LRRC4C: variants seen among roughly 807,000 people sequenced by gnomAD.
The protein encoded by LRRC4C is leucine rich repeat containing 4C.
LRRC4C carries 5 observed loss-of-function variants against 33.6 expected under a neutral mutation model. The observed-to-expected ratio is 0.15, with a 90% CI of 0.08 to 0.31. LRRC4C has a LOEUF of 0.31. LRRC4C is among the 10% of genes least tolerant of loss of function. LRRC4C has a pLI of 1.00. For synonymous variants in LRRC4C, 329 were observed against 302.0 expected, an observed-to-expected ratio of 1.09 and a Z score of -0.93; for missense variants, 560 against 796.7, an observed-to-expected ratio of 0.70 and a Z score of 3.58.
At chr11:40,199,380 G>T (rs1411213561) in intron 5 of LRRC4C, among the ~76,000 whole-genome samples, 5 of 152,142 alleles carry the variant, frequency 3.3e-5, no homozygotes, top group African/African-American at 9.7e-5. Context: ...CTGGCAAAGG[G>T]TTATTTTGTT....
chr11:41,021,569 A>T (rs1258230286), intron 1 of LRRC4C, among the ~76,000 whole-genome samples: 1 of 152,090 alleles, frequency 6.6e-6, no homozygotes, highest in African/African-American at 2.4e-5. Flanking sequence ...ATAACGTTCA[A>T]ATCTATTATA....
chr11:40,446,180 G>T (rs1951627734), intron 3 of LRRC4C: 1 of 152,126 alleles, frequency 6.6e-6, no homozygotes, highest in African/African-American at 2.4e-5. Context: ...AATATTGCCT[G>T]CATGTTAAAG....
At chr11:40,503,332 G>A (rs1440840297) in intron 3 of LRRC4C, among the ~76,000 whole-genome samples, 2 of 151,984 alleles carry the variant, frequency 1.3e-5, no homozygotes, top group African/African-American at 4.8e-5. Context: ...CCAATACCTG[G>A]AACCATGCCT....
chr11:40,367,655 G>A (rs1488765395), intron 3 of LRRC4C, among the ~76,000 whole-genome samples: 1 of 151,962 alleles, frequency 6.6e-6, no homozygotes, highest in Non-Finnish European at 1.5e-5. Context: ...TGCTTTTTTG[G>A]AGAACTTAGT....
intron 1 of LRRC4C, among the ~76,000 whole-genome samples, chr11:41,236,016 G>C (rs1948005997): frequency 6.6e-6 from 1 of 152,064 alleles, no homozygotes; most frequent in Non-Finnish European, 1.5e-5. Flanking sequence ...AGTGGCTATG[G>C]AATTAAGTTC....
intron 2 of LRRC4C, among the ~76,000 whole-genome samples, chr11:40,775,647 G>A (rs1235671296): frequency 1.3e-5 from 2 of 152,132 alleles, no homozygotes; most frequent in South Asian, 2.1e-4. Context: ...ACTTACTGAA[G>A]TTGTTTTTCA....
intron 1 of LRRC4C, among the ~76,000 whole-genome samples, chr11:41,019,761 C>T (rs1478208264): frequency 1.3e-5 from 2 of 152,116 alleles, no homozygotes; most frequent in Non-Finnish European, 2.9e-5. Flanking sequence ...TTGCATTTCT[C>T]TGATAATCAG....
chr11:40,649,307 C>T (rs1317453968), intron 2 of LRRC4C, among the ~76,000 whole-genome samples: 1 of 152,056 alleles, frequency 6.6e-6, no homozygotes, highest in Non-Finnish European at 1.5e-5. Flanking sequence ...CGTTTATAGA[C>T]CTCCCCCCAA....
At chr11:40,939,458 T>A (rs1465420223) in intron 1 of LRRC4C, among the ~76,000 whole-genome samples, 2 of 148,408 alleles carry the variant, frequency 1.3e-5, no homozygotes, top group African/African-American at 5.0e-5. Flanking sequence ...ATCAACTTAC[T>A]GTAAAGGATG....
intron 1 of LRRC4C, among the ~76,000 whole-genome samples, chr11:41,152,303 A>G (rs988405083): frequency 3.3e-5 from 5 of 152,226 alleles, no homozygotes; most frequent in Admixed American, 1.3e-4. Flanking sequence ...GAGTCATAGA[A>G]GTAGCAAATG....
intron 3 of LRRC4C, among the ~76,000 whole-genome samples, chr11:40,557,238 G>A (rs368015898): frequency 1.3e-5 from 2 of 152,012 alleles, no homozygotes; most frequent in South Asian, 4.2e-4. Context: ...GAAGAATAAT[G>A]CAAAAAAGTG....
chr11:40,257,107 G>A (rs1867268666), intron 4 of LRRC4C, among the ~76,000 whole-genome samples: 1 of 152,090 alleles, frequency 6.6e-6, no homozygotes, highest in Non-Finnish European at 1.5e-5. Flanking sequence ...ACTGCAATAA[G>A]TTGACCCCTT....
intron 3 of LRRC4C, among the ~76,000 whole-genome samples, chr11:40,615,693 T>G (rs1158548259): frequency 6.6e-6 from 1 of 151,692 alleles, no homozygotes; most frequent in Non-Finnish European, 1.5e-5. Flanking sequence ...CTTTAATTGG[T>G]GGTTTTCAAA....
intron 1 of LRRC4C, among the ~76,000 whole-genome samples, chr11:41,099,177 A>G (rs1941004003): frequency 6.6e-6 from 1 of 152,096 alleles, no homozygotes; most frequent in Admixed American, 6.6e-5. Flanking sequence ...GAGCTCTGAA[A>G]TTAAATCAAT....
chr11:41,286,937 C>G (rs1247233567), intron 1 of LRRC4C, among the ~76,000 whole-genome samples: 2 of 152,018 alleles, frequency 1.3e-5, no homozygotes, highest in African/African-American at 4.8e-5. Context: ...GTTAGGAACT[C>G]CATGGCCAAG....
At chr11:40,512,270 C>G (rs11035879) in intron 3 of LRRC4C, among the ~76,000 whole-genome samples, 83,139 of 151,910 alleles carry the variant, frequency 0.55, 23,136 homozygotes, top group East Asian at 0.79. Context: ...AGCTACTCGG[C>G]AGCTGAGGTG....
At chr11:40,269,587 C>T (rs1329465852) in intron 4 of LRRC4C, among the ~76,000 whole-genome samples, 1 of 152,116 alleles carries the variant, frequency 6.6e-6, no homozygotes, top group Non-Finnish European at 1.5e-5. Flanking sequence ...AGTCACCACT[C>T]CCCTACAATG....
chr11:40,950,845 A>T (rs141482079), intron 1 of LRRC4C, among the ~76,000 whole-genome samples: 2 of 152,042 alleles, frequency 1.3e-5, no homozygotes, highest in African/African-American at 4.8e-5. Context: ...TTTTAATAAA[A>T]AATTTGATCC....
At chr11:41,405,913 A>T (rs746018820) in intron 1 of LRRC4C, among the ~76,000 whole-genome samples, 8 of 152,178 alleles carry the variant, frequency 5.3e-5, no homozygotes, top group Non-Finnish European at 8.8e-5. Context: ...AAGATAAAAA[A>T]TATAAAAGAA....
Sources: gnomAD v4.1 joint callset for allele counts (sites outside exome capture counted in the v4.1 genomes callset) on GRCh38, gnomAD v4.1.1 for gene constraint, MANE v1.5 for transcripts, NCBI Gene and HGNC (gene_info 2026-07-23, HGNC 2026-07-21) for gene names.